Variants in ARL17A observed in about 807,000 individuals in gnomAD.
The protein encoded by ARL17A is ADP-ribosylation factor-like 17-like.
chr17:46,550,773 A>AT (rs1429914508), downstream of ARL17A, among the ~76,000 whole-genome samples: 42 of 65,262 alleles, frequency 6.4e-4, no homozygotes, highest in South Asian at 2.0e-3. Context: ...AAGAAGTCGA[A>AT]AATTTCTCCC....
chr17:46,518,615 A>G (rs1304030470), intron 3 of ARL17A, among the ~76,000 whole-genome samples: 1 of 78,784 alleles, frequency 1.3e-5, no homozygotes, highest in Non-Finnish European at 2.5e-5. Context: ...GTTATGGATG[A>G]ATAAAAGGGA....
intron 3 of ARL17A, among the ~76,000 whole-genome samples, chr17:46,541,418 A>G (rs1205864062): frequency 1.4e-5 from 2 of 147,808 alleles, no homozygotes; most frequent in Non-Finnish European, 3.0e-5. Flanking sequence ...CACCTGGCTA[A>G]TTTTTGTATT....
chr17:46,549,081 G>A (rs772623942), downstream of ARL17A: 14 of 1,611,984 alleles, frequency 8.7e-6, no homozygotes, highest in East Asian at 3.1e-4. Context: ...GCTCCCACGT[G>A]ACCCACAGAA....
chr17:46,533,884 A>C (rs2145321308), intron 4 of ARL17A, among the ~76,000 whole-genome samples: 1 of 104,004 alleles, frequency 9.6e-6, no homozygotes, highest in East Asian at 2.6e-4. Context: ...CTCAGTTTTT[A>C]TTTATCTAGA....
At chr17:46,539,061 G>GA (rs1246951804) in intron 3 of ARL17A, among the ~76,000 whole-genome samples, 6 of 45,138 alleles carry the variant, frequency 1.3e-4, no homozygotes, top group Non-Finnish European at 2.9e-4. Context: ...CAGGCACGGG[G>GA]ATGACAGGGC....
intron 3 of ARL17A, among the ~76,000 whole-genome samples, chr17:46,558,410 G>C (rs1220853773): frequency 4.6e-5 from 5 of 108,132 alleles, no homozygotes; most frequent in Non-Finnish European, 7.3e-5. Context: ...GTTTGTTTTT[G>C]GAGACAGTCT....
chr17:46,500,738 G>A, the ARL17A span, among the ~76,000 whole-genome samples: 13 of 151,060 alleles, frequency 8.6e-5, no homozygotes, highest in African/African-American at 3.0e-4. Flanking sequence ...TCAATGAGTA[G>A]CAAAGTTTGA....
chr17:46,542,843 G>A (rs2055636299), intron 3 of ARL17A, among the ~76,000 whole-genome samples: 1 of 150,586 alleles, frequency 6.6e-6, no homozygotes, highest in Non-Finnish European at 1.5e-5. Context: ...ACTCAGTTAT[G>A]CTAGGGCTGG....
At chr17:46,558,940 C>A (rs1191982299) in intron 3 of ARL17A, 1 of 104,572 alleles carries the variant, frequency 9.6e-6, no homozygotes, top group Non-Finnish European at 1.8e-5. Flanking sequence ...GGTCTCTCAA[C>A]GTACTGGGAT....
intron 3 of ARL17A, among the ~76,000 whole-genome samples, chr17:46,541,493 C>T (rs2055310215): frequency 1.3e-5 from 2 of 149,994 alleles, no homozygotes; most frequent in Non-Finnish European, 2.9e-5. Context: ...CTCAAGTGAT[C>T]CGCCTGCCTC....
At chr17:46,548,731 G>C (rs371330917), downstream of ARL17A, 647 of 1,609,990 alleles carry the variant, frequency 4.0e-4, no homozygotes, top group Non-Finnish European at 5.3e-4. Context: ...GGCATCTGTG[G>C]AGAACGCTGC....
At chr17:46,516,342 T>C (rs2144746641), downstream of ARL17A, among the ~76,000 whole-genome samples, 1 of 110,734 alleles carries the variant, frequency 9.0e-6, no homozygotes, top group Non-Finnish European at 2.0e-5. Flanking sequence ...AGAATAGGCA[T>C]AAAAAGGGAG....
intron 4 of ARL17A, among the ~76,000 whole-genome samples, chr17:46,534,086 A>G (rs1196684038): frequency 7.2e-6 from 1 of 138,076 alleles, no homozygotes; most frequent in Non-Finnish European, 1.5e-5. Flanking sequence ...ACCACTCACA[A>G]CGTTGCAGCC....
Position 46,555,164 on chromosome 17 carries a change from A to AT in ARL17A, c.*2191dup. The AT allele has an allele frequency of 3.9e-6, 5 of 1,287,566 alleles. No individual in the cohort carries two copies. Among genetic ancestry groups the AT allele is most frequent in the Non-Finnish European group, 5.1e-6 (5 of 983,662 alleles). The allele number at this position is 1,287,566 out of a possible 1,614,324, so 79.8% of individuals were successfully genotyped here. The stretch of plus-strand genomic sequence containing the variant: ...TGTGTCTCCCCAGGGGCATTTTCAG[A>AT]TTTCTGCCATGGAGGGGATGCTCTT... On this transcript the variant is annotated 3_prime_UTR_variant, in exon 4 of 4. Transcript: ENST00000336125.
the ARL17A span, among the ~76,000 whole-genome samples, chr17:46,501,538 T>C: frequency 6.6e-6 from 1 of 151,288 alleles, no homozygotes; most frequent in Non-Finnish European, 1.5e-5. Context: ...CCGGCTGTTA[T>C]ATAAAGGAGA....
At chr17:46,500,967 G>A in the ARL17A span, among the ~76,000 whole-genome samples, 66 of 151,262 alleles carry the variant, frequency 4.4e-4, no homozygotes, top group Non-Finnish European at 8.2e-4. Flanking sequence ...ATCACCTGAG[G>A]TGAGGAGTTT....
chr17:46,516,387 C>G (rs11491193), downstream of ARL17A, among the ~76,000 whole-genome samples: 798 of 138,862 alleles, frequency 5.7e-3, 10 homozygotes, highest in African/African-American at 0.019. Context: ...ATAATGCAGA[C>G]CATTGGTGCT....
downstream of ARL17A, chr17:46,528,735 A>T: frequency 1.5e-6 from 1 of 668,380 alleles, no homozygotes; most frequent in South Asian, 1.6e-5. Flanking sequence ...AAAAAAAAAA[A>T]AAAAAAGGAA....
the ARL17A span, among the ~76,000 whole-genome samples, chr17:46,500,721 A>G: frequency 1.3e-5 from 2 of 151,142 alleles, no homozygotes; most frequent in South Asian, 4.1e-4. Context: ...CAATATCTTC[A>G]TGACATTCAA....
Sources: allele counts gnomAD v4.1 joint callset (sites outside exome capture counted in the v4.1 genomes callset), GRCh38; gene constraint gnomAD v4.1.1; transcripts MANE v1.5; gene names NCBI Gene and HGNC (gene_info 2026-07-23, HGNC 2026-07-21).